The following PPP6R2 variants were observed in gnomAD, a reference collection of about 807,000 sequenced individuals.
The protein encoded by PPP6R2 is serine/threonine-protein phosphatase 6 regulatory subunit 2.
A neutral mutation model predicts 100.2 loss-of-function variants in PPP6R2; 62 were observed. That is an observed-to-expected ratio of 0.62 (90% confidence interval 0.50 to 0.76). PPP6R2 has a LOEUF of 0.76. PPP6R2 is among the 30% of genes least tolerant of loss of function. The probability of loss-of-function intolerance (pLI) is 0.00; values close to 1 mark genes in which losing one functional copy is unlikely to be tolerated. For synonymous variants in PPP6R2, 525 were observed against 514.7 expected, an observed-to-expected ratio of 1.02 and a Z score of -0.27; for missense variants, 1,142 against 1,276.3, an observed-to-expected ratio of 0.89 and a Z score of 1.60.
chr22:50,414,872 C>T (rs1003237298), intron 5 of PPP6R2, among the ~76,000 whole-genome samples, 183 bp downstream of exon 5: 4 of 152,364 alleles, frequency 2.6e-5, no homozygotes, highest in East Asian at 3.9e-4. Context: ...TCCACTGTCC[C>T]GACTTAACTC....
At chr22:50,393,506 G>A (rs2056083707) in intron 2 of PPP6R2, 2 of 985,164 alleles carry the variant, frequency 2.0e-6, no homozygotes, top group Admixed American at 1.2e-4. Flanking sequence ...AGAGCATTGA[G>A]GGGCATGTCG....
intron 10 of PPP6R2, among the ~76,000 whole-genome samples, chr22:50,424,489 CGTCTGTCAGCGTGTGGAAG>C (rs1299222593): frequency 1.6e-5 from 2 of 122,912 alleles, no homozygotes; most frequent in African/African-American, 3.2e-5. Context: ...GCGTGTGGAA[CGTCTGTCAGCGTGTGGAAG>C]GTCTGTCCGC....
intron 1 of PPP6R2, among the ~76,000 whole-genome samples, chr22:50,369,228 A>G (rs1481439364): frequency 1.4e-5 from 2 of 144,960 alleles, no homozygotes; most frequent in East Asian, 4.0e-4. Flanking sequence ...ACAAGAGTGA[A>G]ATTCCATCTA....
chr22:50,416,058 C>A, intron 5 of PPP6R2, 34 bp from the exon 6 acceptor site: 1 of 1,575,042 alleles, frequency 6.3e-7, no homozygotes, highest in Non-Finnish European at 8.7e-7. Flanking sequence ...TAGACTTGAG[C>A]AGCGACACTG....
At chr22:50,334,526 C>T in the PPP6R2 span, among the ~76,000 whole-genome samples, 5 of 152,046 alleles carry the variant, frequency 3.3e-5, no homozygotes, top group Admixed American at 6.6e-5. Flanking sequence ...AGCTTCTCGT[C>T]GTATATGTTT....
chr22:50,412,937 G>A (rs60323696), intron 4 of PPP6R2, among the ~76,000 whole-genome samples: 2,789 of 144,618 alleles, frequency 0.019, 91 homozygotes, highest in African/African-American at 0.067. Flanking sequence ...GAGCCACTGC[G>A]CCTGGCCTAG....
chr22:50,426,886 A>C (rs2062231920), intron 10 of PPP6R2, among the ~76,000 whole-genome samples: 1 of 149,636 alleles, frequency 6.7e-6, no homozygotes, highest in African/African-American at 2.5e-5. Flanking sequence ...TCTCGGCCTA[A>C]TTGTTAAAAA....
intron 3 of PPP6R2, among the ~76,000 whole-genome samples, chr22:50,399,699 G>C (rs546376559): frequency 6.6e-6 from 1 of 152,390 alleles, no homozygotes; most frequent in South Asian, 2.1e-4. Flanking sequence ...GCTCCAGGGA[G>C]GTGAGGCCCA....
At chr22:50,412,845 A>C (rs575939634) in intron 4 of PPP6R2, among the ~76,000 whole-genome samples, 1 of 149,496 alleles carries the variant, frequency 6.7e-6, no homozygotes, top group African/African-American at 2.5e-5. Flanking sequence ...GGGTTTCACC[A>C]TGTTAGCCAG....
chr22:50,354,033 G>A (rs569083317), intron 1 of PPP6R2, among the ~76,000 whole-genome samples: 2 of 152,190 alleles, frequency 1.3e-5, no homozygotes, highest in East Asian at 1.9e-4. Context: ...GGCCGGGCGC[G>A]GTGGCTCATG....
rs79257414 is a variant in PPP6R2 at position 50,429,023 on chromosome 22, G to A, written c.1126-2150G>A. Among the ~76,000 whole-genome samples, 23 of 148,418 alleles carry A rather than the reference G, an allele frequency of 1.5e-4. No homozygotes were observed. In the East Asian group the frequency reaches 4.6e-3, roughly 29 times the overall value. On this transcript the variant is annotated intron_variant, in intron 10 of 23. Transcript: ENST00000612753. The stretch of plus-strand genomic sequence containing the variant: ...CTAGTTTGAGTGTTCTATCAAGAAA[G>A]TATGTTGAATTTTTTTTTTTTTTTG...
At chr22:50,349,989 A>G (rs979294456) in intron 1 of PPP6R2, among the ~76,000 whole-genome samples, 2 of 151,470 alleles carry the variant, frequency 1.3e-5, no homozygotes, top group African/African-American at 4.9e-5. Context: ...GTGGTGGTGC[A>G]TGCTTGTAAT....
At position 50,413,915 on chromosome 22, in the gene PPP6R2, T is replaced by C. The variant is rs564140708; in HGVS notation, c.415-637T>C. ...TTGCAGCGAGCCCAGCCTTCACTTC[T>C]CCACTGTTACCTTGGATCCGCCGTC... On this transcript the variant is annotated intron_variant, in intron 4 of 23. Transcript: ENST00000612753. Among the ~76,000 whole-genome samples, 660 of 152,298 alleles carry C rather than the reference T, an allele frequency of 4.3e-3. 8 individuals are homozygous for C. Among genetic ancestry groups the C allele is most frequent in the African/African-American group, 0.015 (615 of 41,564 alleles).
chr22:50,428,317 C>G (rs1388890343), intron 10 of PPP6R2, among the ~76,000 whole-genome samples: 1 of 152,216 alleles, frequency 6.6e-6, no homozygotes, highest in Non-Finnish European at 1.5e-5. Flanking sequence ...TATGGAAATG[C>G]AGCTGCTTTT....
intron 2 of PPP6R2, among the ~76,000 whole-genome samples, chr22:50,388,408 ATAAG>A (rs1216161738): frequency 6.0e-5 from 9 of 149,630 alleles, no homozygotes; most frequent in Non-Finnish European, 1.0e-4. Context: ...AAAAAAAAAA[ATAAG>A]CCTAAATCCT....
chr22:50,366,416 T>G (rs1185140104), intron 1 of PPP6R2, among the ~76,000 whole-genome samples: 1 of 151,780 alleles, frequency 6.6e-6, no homozygotes, highest in African/African-American at 2.4e-5. Flanking sequence ...CAGTTCTCCT[T>G]CCTCAGCCTC....
intron 3 of PPP6R2, among the ~76,000 whole-genome samples, chr22:50,396,153 G>A (rs573938912): frequency 3.7e-4 from 51 of 138,622 alleles, no homozygotes; most frequent in South Asian, 2.7e-3. Context: ...CTGAGATTGC[G>A]CCATTGCACT....
At chr22:50,360,982 C>A (rs1446382606) in intron 1 of PPP6R2, among the ~76,000 whole-genome samples, 3 of 152,300 alleles carry the variant, frequency 2.0e-5, no homozygotes, top group Non-Finnish European at 4.4e-5. Context: ...GACAGTCAGA[C>A]CTTTAGGAGC....
chr22:50,444,560 A>G lies in PPP6R2; in HGVS notation c.*313A>G. 1 of 359,410 alleles carries G rather than the reference A, an allele frequency of 2.8e-6. No individual in the cohort carries two copies. The highest frequency in any genetic ancestry group is 3.6e-5 in the South Asian group (1 of 27,864). The allele number at this position is 359,410 out of a possible 1,614,324, so 22.3% of individuals were successfully genotyped here. ...TGGGGGTGGGGGGGGCAGGACCCTG[A>G]GATGCCACCAGGACCTGATGGGCCA... On this transcript the variant is annotated 3_prime_UTR_variant, in exon 24 of 24. Coordinates refer to ENST00000612753, the MANE Select transcript of PPP6R2 (RefSeq NM_001242898.2).
Sources: allele counts gnomAD v4.1 joint callset (sites outside exome capture counted in the v4.1 genomes callset), GRCh38; gene constraint gnomAD v4.1.1; transcripts MANE v1.5; gene names NCBI Gene and HGNC (gene_info 2026-07-23, HGNC 2026-07-21).